Variants in IL6R observed in about 807,000 individuals in gnomAD.
IL6R encodes interleukin 6 receptor, also known as interleukin-6 receptor subunit alpha.
Under a neutral mutation model 48.3 loss-of-function variants are expected in IL6R, and 38 were observed. The observed-to-expected ratio is 0.79, with a 90% CI of 0.61 to 1.03. The LOEUF is 1.03. Among genes scored for constraint, IL6R ranks in the 50% least tolerant of loss-of-function variants. IL6R has a pLI of 0.00. For synonymous variants in IL6R, 264 were observed against 256.2 expected (o/e 1.03, Z -0.29); for missense variants, 534 against 618.3 (o/e 0.86, Z 1.45).
At chr1:154,444,878 G>A (rs1690130237) in intron 6 of IL6R, among the ~76,000 whole-genome samples, 1 of 152,092 alleles carries the variant, frequency 6.6e-6, no homozygotes, top group South Asian at 2.1e-4. Flanking sequence ...ACTCCAGCCT[G>A]GGCAACAGAG....
rs1468329259 is a variant in IL6R at position 154,434,559 on chromosome 1, T to C, written c.499T>C (p.Tyr167His). The part of the protein sequence containing the change: ...PAEDFQEPCQ[Y>H]SQESQKFSCQ... ...CGAAGACTTCCAGGAGCCGTGCCAG[T>C]ATTCCCAGGAGTCCCAGAAGTTCTC... The change falls in exon 4 of 10, where the codon TAT becomes CAT. Residue 167 changes from tyrosine (Y) to histidine (H), a missense_variant. Tyr to His is a moderately conservative substitution (Grantham distance 83). Transcript: ENST00000368485. 6.2e-7 allele frequency: 1 copy of C among 1,613,882 alleles called. No individual in the cohort carries two copies. Among genetic ancestry groups the C allele is most frequent in the African/African-American group, 1.3e-5 (1 of 74,864 alleles).
At chr1:154,448,670 C>A (rs896205540) in intron 7 of IL6R, among the ~76,000 whole-genome samples, 1 of 152,106 alleles carries the variant, frequency 6.6e-6, no homozygotes, top group Non-Finnish European at 1.5e-5. Context: ...AGGGAAGGAG[C>A]CTGGGGCTCT....
At chr1:154,457,971 T>TCTTC (rs59439538) in intron 9 of IL6R, among the ~76,000 whole-genome samples, 1 of 132,222 alleles carries the variant, frequency 7.6e-6, no homozygotes, top group Non-Finnish European at 1.6e-5. Context: ...CTTTTTCTTT[T>TCTTC]TTTTTTTTTT....
intron 3 of IL6R, 131 bp downstream of exon 3, chr1:154,430,737 A>G (rs1689251074): frequency 1.6e-6 from 2 of 1,225,352 alleles, no homozygotes; most frequent in South Asian, 1.3e-5. Context: ...GGAAGAGGAG[A>G]TGAGAGGGAA....
intron 9 of IL6R, among the ~76,000 whole-genome samples, chr1:154,464,682 G>C (rs956203611): frequency 6.6e-6 from 1 of 152,074 alleles, no homozygotes; most frequent in Non-Finnish European, 1.5e-5. Context: ...AGTCGGGTCG[G>C]GTGTGCCGGC....
intron 1 of IL6R, among the ~76,000 whole-genome samples, chr1:154,419,861 C>G (rs1243768104): frequency 6.6e-6 from 1 of 152,212 alleles, no homozygotes; most frequent in Non-Finnish European, 1.5e-5. Flanking sequence ...AACAACAAAG[C>G]TGTTTGGATT....
intron 6 of IL6R, among the ~76,000 whole-genome samples, chr1:154,439,466 C>T (rs1689814792): frequency 6.6e-6 from 1 of 152,098 alleles, no homozygotes; most frequent in African/African-American, 2.4e-5. Context: ...AGGCACCTGC[C>T]ACCATGACTG....
intron 9 of IL6R, among the ~76,000 whole-genome samples, chr1:154,461,915 G>A (rs1329022606): frequency 6.6e-6 from 1 of 152,148 alleles, no homozygotes; most frequent in Non-Finnish European, 1.5e-5. Flanking sequence ...CCGTTCCTCT[G>A]TGAGGGTCTT....
At chr1:154,447,686 T>TTTTTGTTTTGTTTTG (rs527467504) in intron 6 of IL6R, among the ~76,000 whole-genome samples, 16,849 of 148,360 alleles carry the variant, frequency 0.11, 1,158 homozygotes, top group Non-Finnish European at 0.14. Context: ...AGCATGCTGT[T>TTTTTGTTTTGTTTTG]TTTTGTTTTG....
Position 154,417,963 on chromosome 1 carries a change from G to C in IL6R, c.86-11233G>C, listed in dbSNP as rs115085908. 4.1e-3 allele frequency among the ~76,000 whole-genome samples: 631 copies of C among 152,216 alleles called. 4 individuals carry two copies. The highest frequency in any genetic ancestry group is 0.015 in the African/African-American group (603 of 41,542). On this transcript the variant is annotated intron_variant, in intron 1 of 9. Transcript: ENST00000368485. ...TTGGCCAAGCTGATCTCAAACTCCTGACCTTGTGATCCGACCTTCTCTGTC... is the reference window on the plus strand; with the variant it reads ...TTGGCCAAGCTGATCTCAAACTCCTCACCTTGTGATCCGACCTTCTCTGTC...
intron 9 of IL6R, among the ~76,000 whole-genome samples, chr1:154,458,900 CAA>C (rs757806352): frequency 6.5e-5 from 8 of 123,928 alleles, no homozygotes; most frequent in Non-Finnish European, 7.0e-5. Flanking sequence ...GACTCCATCT[CAA>C]AAAAAAAAAA....
At chr1:154,414,496 C>A in intron 1 of IL6R, 1 of 870,490 alleles carries the variant, frequency 1.1e-6, no homozygotes, top group Non-Finnish European at 1.9e-6. Context: ...CCGGGACCCA[C>A]CCTCACTTCT....
At chr1:154,454,603 G>A (rs1211665160) in intron 9 of IL6R, 22 bp downstream of exon 9, 1 of 1,511,268 alleles carries the variant, frequency 6.6e-7, no homozygotes, top group Non-Finnish European at 9.2e-7. Flanking sequence ...CCCAGGGGAT[G>A]GCCCTGTGGT....
chr1:154,456,214 T>C (rs1218345010), intron 9 of IL6R, among the ~76,000 whole-genome samples: 1 of 151,212 alleles, frequency 6.6e-6, no homozygotes, highest in Non-Finnish European at 1.5e-5. Flanking sequence ...TTCTTTTTTT[T>C]TTTTTTTTGA....
chr1:154,446,460 C>T (rs1306261840), intron 6 of IL6R, among the ~76,000 whole-genome samples: 2 of 152,158 alleles, frequency 1.3e-5, no homozygotes, highest in Non-Finnish European at 2.9e-5. Context: ...CCTGGCCCAG[C>T]GAGGCTCGTG....
At chr1:154,435,388 G>A (rs1689558344) in intron 5 of IL6R, among the ~76,000 whole-genome samples, 1 of 152,030 alleles carries the variant, frequency 6.6e-6, no homozygotes, top group African/African-American at 2.4e-5. Flanking sequence ...GCGCACGCCT[G>A]TATCCCAGCT....
At chr1:154,414,770 G>A (rs1570924143) in intron 1 of IL6R, 3 of 767,320 alleles carry the variant, frequency 3.9e-6, no homozygotes, top group Non-Finnish European at 4.7e-6. Context: ...TCCTTGGCAG[G>A]CAGCCACTCC....
intron 6 of IL6R, among the ~76,000 whole-genome samples, chr1:154,447,868 G>C (rs553397988): frequency 6.6e-6 from 1 of 151,930 alleles, no homozygotes; most frequent in African/African-American, 2.4e-5. Context: ...GCATGTGCCA[G>C]CACACCCAGC....
chr1:154,409,138 A>G (rs1687890425), intron 1 of IL6R, among the ~76,000 whole-genome samples: 1 of 152,180 alleles, frequency 6.6e-6, no homozygotes, highest in South Asian at 2.1e-4. Flanking sequence ...CTGTCTCCAA[A>G]AAATTAATTT....
Sources: gnomAD v4.1 joint callset for allele counts (sites outside exome capture counted in the v4.1 genomes callset) on GRCh38, gnomAD v4.1.1 for gene constraint, MANE v1.5 for transcripts, NCBI Gene and HGNC (gene_info 2026-07-23, HGNC 2026-07-21) for gene names.